The following LGALS8 variants were observed in gnomAD, a reference collection of about 807,000 sequenced individuals.
LGALS8 encodes galectin-8.
In LGALS8, 30 loss-of-function variants were observed where a neutral mutation model predicts 35.9. The observed-to-expected ratio is 0.83, with a 90% CI of 0.62 to 1.13. The LOEUF is 1.13. LGALS8 is among the 50% of genes most tolerant of loss of function. The pLI is 0.00. For synonymous variants in LGALS8, 138 were observed against 136.1 expected (o/e 1.01, Z -0.10); for missense variants, 366 against 388.7 (o/e 0.94, Z 0.49).
intron 8 of LGALS8, among the ~76,000 whole-genome samples, 184 bp from the exon 9 acceptor site, chr1:236,544,566 A>C (rs1427381473): frequency 6.6e-6 from 1 of 152,088 alleles, no homozygotes; most frequent in Non-Finnish European, 1.5e-5. Flanking sequence ...GCAAGTAACG[A>C]ATTAGTGGAA....
At chr1:236,544,719 A>G in intron 8 of LGALS8, 31 bp from the exon 9 acceptor site, 1 of 1,468,618 alleles carries the variant, frequency 6.8e-7, no homozygotes, top group Non-Finnish European at 9.1e-7. Flanking sequence ...TTGGTTAATT[A>G]AGGTTTTTTT....
At chr1:236,544,187 A>G (rs1476413378) in intron 8 of LGALS8, among the ~76,000 whole-genome samples, 1 of 152,186 alleles carries the variant, frequency 6.6e-6, no homozygotes, top group Non-Finnish European at 1.5e-5. Flanking sequence ...TCCTGACCTC[A>G]AGTGATCCGC....
upstream of LGALS8, chr1:236,523,658 C>T (rs943493573): frequency 5.8e-6 from 1 of 171,472 alleles, no homozygotes; most frequent in Admixed American, 5.5e-5. Flanking sequence ...TTCTTTCCTT[C>T]CCATTTTCCT....
chr1:236,540,710 C>A (rs1558164925), intron 5 of LGALS8, 27 bp downstream of exon 5: 4 of 1,572,280 alleles, frequency 2.5e-6, no homozygotes, highest in Non-Finnish European at 3.5e-6. Context: ...AGCTTGGGGT[C>A]TTTTATGAGG....
chr1:236,544,097 A>C (rs1662207726), intron 8 of LGALS8, among the ~76,000 whole-genome samples: 1 of 151,938 alleles, frequency 6.6e-6, no homozygotes, highest in Non-Finnish European at 1.5e-5. Context: ...CAGGCGCACC[A>C]CCACGCCCAG....
rs1194836311 is a variant in LGALS8, at chr1:236,537,504, C to T, written c.53C>T (p.Pro18Leu). 5 of 1,587,172 alleles carry T rather than the reference C, an allele frequency of 3.2e-6. No homozygotes were observed. Among genetic ancestry groups the T allele is most frequent in the Non-Finnish European group, 4.3e-6 (5 of 1,154,884 alleles). The change falls in exon 3 of 10, where the codon CCG (proline) becomes CTG (leucine). Residue 18 changes from proline (P) to leucine (L), a missense_variant. Transcript: ENST00000366584. ...LQNIIYNPVIPFVGTIPDQLD... is the reference protein window; with the variant it reads ...LQNIIYNPVILFVGTIPDQLD... ...TTAAATTTTTTTTCTTAGGTAATCC[C>T]GTTTGTTGGCACCATTCCTGATCAG...
chr1:236,541,732 G>A (rs765888487), intron 6 of LGALS8, 22 bp downstream of exon 6: 7 of 1,286,640 alleles, frequency 5.4e-6, no homozygotes, highest in African/African-American at 3.0e-5. Context: ...ATCTTTTAAT[G>A]AGCCACTGGT....
At chr1:236,531,392 T>C (rs1407977077) in intron 2 of LGALS8, among the ~76,000 whole-genome samples, 1 of 152,128 alleles carries the variant, frequency 6.6e-6, no homozygotes, top group Admixed American at 6.5e-5. Flanking sequence ...GGCATGATCT[T>C]GGCTTACTGC....
At chr1:236,519,222 C>G (rs1558150637), upstream of LGALS8, among the ~76,000 whole-genome samples, 1 of 58,998 alleles carries the variant, frequency 1.7e-5, no homozygotes, top group African/African-American at 1.2e-4. Flanking sequence ...GACCCCATCA[C>G]TACCAAAAAA....
intron 2 of LGALS8, among the ~76,000 whole-genome samples, chr1:236,529,973 A>G (rs1482747903): frequency 6.6e-6 from 1 of 152,158 alleles, no homozygotes; most frequent in Non-Finnish European, 1.5e-5. Context: ...CTTTCTATTG[A>G]ATTTGAATGA....
chr1:236,520,446 A>C (rs1218041725), upstream of LGALS8, among the ~76,000 whole-genome samples: 2 of 151,578 alleles, frequency 1.3e-5, no homozygotes, highest in Non-Finnish European at 2.9e-5. Flanking sequence ...CCTCAGCTAT[A>C]ATGCTGCTTC....
intron 2 of LGALS8, among the ~76,000 whole-genome samples, chr1:236,529,763 C>T (rs1159229217): frequency 6.6e-6 from 1 of 150,904 alleles, no homozygotes; most frequent in Non-Finnish European, 1.5e-5. Context: ...ATTCTCCTGC[C>T]TCAGCCTCCC....
intron 4 of LGALS8, among the ~76,000 whole-genome samples, chr1:236,539,855 C>T (rs1661847873): frequency 6.6e-6 from 1 of 152,164 alleles, no homozygotes; most frequent in African/African-American, 2.4e-5. Flanking sequence ...TGTGCTTTGG[C>T]TTTACGTGTT....
chr1:236,530,393 G>T (rs1254898348), intron 2 of LGALS8, among the ~76,000 whole-genome samples: 1 of 152,164 alleles, frequency 6.6e-6, no homozygotes, highest in Non-Finnish European at 1.5e-5. Flanking sequence ...CTTCCTGACT[G>T]AGAGTGGATT....
rs1187551955 is a variant in LGALS8 at position 236,550,634 on chromosome 1, GAAT to G, written c.*2479_*2481del. ...ATATTATTACCATCAATCAGGAAGA[GAAT>G]AATAAATGTTTAAACAAACACAGCA... On this transcript the variant is annotated 3_prime_UTR_variant, in exon 10 of 10. Coordinates refer to ENST00000366584, the MANE Select transcript of LGALS8 (RefSeq NM_201544.4). 1.6e-5 allele frequency: 6 copies of G among 380,730 alleles called. No individual in the cohort carries two copies. The highest frequency in any genetic ancestry group is 2.8e-5 in the Non-Finnish European group (6 of 213,442). The allele number at this position is 380,730 out of a possible 1,614,324, so 23.6% of individuals were successfully genotyped here. A position where few individuals can be genotyped will look rare whatever the true frequency, so the allele number is the denominator to read the frequency against.
At chr1:236,543,889 G>A (rs759640162) in intron 8 of LGALS8, among the ~76,000 whole-genome samples, 4 of 152,018 alleles carry the variant, frequency 2.6e-5, no homozygotes, top group African/African-American at 4.8e-5. Flanking sequence ...TTTTGTCCAC[G>A]AGGCCTATCC....
chr1:236,530,255 G>C (rs1205866531), intron 2 of LGALS8, among the ~76,000 whole-genome samples: 1 of 152,152 alleles, frequency 6.6e-6, no homozygotes, highest in South Asian at 2.1e-4. Context: ...TTTCTGCTTA[G>C]TATTCTAAGT....
At position 236,551,927 on chromosome 1, in the gene LGALS8, G is replaced by T; in HGVS notation, c.*3766G>T. On this transcript the variant is annotated 3_prime_UTR_variant, in exon 10 of 10. Coordinates refer to ENST00000366584, the MANE Select transcript of LGALS8 (RefSeq NM_201544.4). Reference sequence around the variant, plus strand: ...TTATATCCAAATCTGCATTATCATTGGGCACATTTTCACAGAATTTTACTG... The same window carrying T: ...TTATATCCAAATCTGCATTATCATTTGGCACATTTTCACAGAATTTTACTG... The T allele has an allele frequency of 1.0e-6, 1 of 971,488 alleles. No individual in the cohort carries two copies. The highest frequency in any genetic ancestry group is 1.6e-6 in the Non-Finnish European group (1 of 610,662). The allele number at this position is 971,488 out of a possible 1,614,324, so 60.2% of individuals were successfully genotyped here.
At chr1:236,533,265 G>T (rs1416539689) in intron 2 of LGALS8, among the ~76,000 whole-genome samples, 1 of 151,926 alleles carries the variant, frequency 6.6e-6, no homozygotes, top group African/African-American at 2.4e-5. Context: ...AACTGTCTTT[G>T]GCTACCTCAG....
Sources: allele counts gnomAD v4.1 joint callset (sites outside exome capture counted in the v4.1 genomes callset), GRCh38; gene constraint gnomAD v4.1.1; transcripts MANE v1.5; gene names NCBI Gene and HGNC (gene_info 2026-07-23, HGNC 2026-07-21).